The following TULP3 variants were observed in gnomAD, a reference collection of about 807,000 sequenced individuals.
TULP3 encodes the protein tubby-related protein 3.
A neutral mutation model predicts 50.7 loss-of-function variants in TULP3; 38 were observed. The observed-to-expected ratio is 0.75, with a 90% confidence interval of 0.58 to 0.98. The LOEUF (loss-of-function observed/expected upper bound fraction) is 0.98, where lower values mean the gene tolerates loss of function less well. TULP3 is among the 50% of genes least tolerant of loss of function. The pLI, the probability that TULP3 is intolerant of heterozygous loss-of-function variation, is 0.00. For synonymous variants in TULP3, 183 were observed against 196.6 expected (o/e 0.93, Z 0.58); for missense variants, 550 against 568.0 (o/e 0.97, Z 0.32).
intron 10 of TULP3, among the ~76,000 whole-genome samples, chr12:2,938,715 C>T (rs185124221): frequency 2.7e-4 from 41 of 151,178 alleles, no homozygotes; most frequent in Middle Eastern, 6.9e-3. Flanking sequence ...GCCAGGAGGT[C>T]GAGGCTGCAG....
intron 8 of TULP3, among the ~76,000 whole-genome samples, chr12:2,935,710 C>G (rs1391942161): frequency 2.0e-5 from 3 of 152,102 alleles, no homozygotes; most frequent in African/African-American, 7.2e-5. Flanking sequence ...TGGTGGCTCA[C>G]ACCTGTAATC....
chr12:2,915,134 A>G (rs770178133), intron 2 of TULP3, among the ~76,000 whole-genome samples: 13 of 151,952 alleles, frequency 8.6e-5, no homozygotes, highest in Non-Finnish European at 1.3e-4. Flanking sequence ...GACTACAGGC[A>G]GACGCCACCA....
chr12:2,931,418 T>C (rs948928512), intron 6 of TULP3, among the ~76,000 whole-genome samples, 178 bp downstream of exon 6: 5 of 152,238 alleles, frequency 3.3e-5, no homozygotes, highest in African/African-American at 1.2e-4. Flanking sequence ...CATGGTCTAA[T>C]AGGCAGCAAG....
In TULP3 at chr12:2,919,757, GT is replaced by G. The variant is rs973625099; in HGVS notation, c.94-997del. 3.3e-5 allele frequency among the ~76,000 whole-genome samples: 5 copies of G among 149,878 alleles called. No homozygotes were observed. The South Asian group carries it at 6.4e-4, about 19-fold the overall frequency. On this transcript the variant is annotated intron_variant, in intron 2 of 10. Coordinates refer to ENST00000448120, the MANE Select transcript of TULP3 (RefSeq NM_003324.5). ...TAGTACCTTCCTTTCCATTTCATTGGTTTTTTTTTCTCATAGTCTGTCATGC... is the reference window on the plus strand; with the variant it reads ...TAGTACCTTCCTTTCCATTTCATTGGTTTTTTTTCTCATAGTCTGTCATGC...
chr12:2,890,937 C>G lies in TULP3; in HGVS notation c.-11C>G. On this transcript the variant is annotated 5_prime_UTR_variant, in exon 1 of 11. Transcript: ENST00000448120. The stretch of plus-strand genomic sequence containing the variant: ...AGTGTGTACGTGGTGGGGGCTTCCT[C>G]GGTGGCGGGCATGGAGGCTTCGCGC... 1.9e-6 allele frequency: 3 copies of G among 1,593,550 alleles called. No individual in the cohort carries two copies. Among genetic ancestry groups the G allele is most frequent in the Non-Finnish European group, 2.6e-6 (3 of 1,170,240 alleles).
chr12:2,895,093 C>T (rs1027677262), intron 1 of TULP3, among the ~76,000 whole-genome samples: 1 of 152,084 alleles, frequency 6.6e-6, no homozygotes, highest in Non-Finnish European at 1.5e-5. Context: ...CTTAAATAGC[C>T]TTTTTGTTTA....
intron 2 of TULP3, 148 bp downstream of exon 2, chr12:2,909,728 G>A: frequency 1.2e-6 from 1 of 847,320 alleles, no homozygotes; most frequent in Non-Finnish European, 1.9e-6. Flanking sequence ...AGTGTCTGGA[G>A]TTAGTGGTTG....
At chr12:2,921,760 A>C (rs1445061609) in intron 3 of TULP3, among the ~76,000 whole-genome samples, 1 of 152,152 alleles carries the variant, frequency 6.6e-6, no homozygotes, top group East Asian at 1.9e-4. Flanking sequence ...GTACAAGTAC[A>C]TATGACTTTA....
intron 1 of TULP3, among the ~76,000 whole-genome samples, chr12:2,903,810 A>G (rs1220954160): frequency 1.3e-5 from 2 of 151,908 alleles, no homozygotes; most frequent in Non-Finnish European, 2.9e-5. Context: ...GATGAAGCCT[A>G]GCTCTGTTGC....
At chr12:2,931,611 A>C (rs1248877394) in intron 6 of TULP3, among the ~76,000 whole-genome samples, 2 of 152,202 alleles carry the variant, frequency 1.3e-5, no homozygotes, top group African/African-American at 4.8e-5. Flanking sequence ...GTTTTAGGGA[A>C]TAGGAGGAAT....
rs186606070 is a variant in TULP3, at chr12:2,919,067, T to C, written c.94-1696T>C. Among the ~76,000 whole-genome samples, 962 of 152,120 alleles carry C rather than the reference T, an allele frequency of 6.3e-3. 29 individuals are homozygous for C. Among genetic ancestry groups the C allele is most frequent in the Admixed American group, 0.053 (802 of 15,262 alleles). On this transcript the variant is annotated intron_variant, in intron 2 of 10. Coordinates refer to ENST00000448120, the MANE Select transcript of TULP3 (RefSeq NM_003324.5). ...GCCATGACGCAGGCCAATTTTTGTA[T>C]TTTTCATAGAGACGGGGTTTCACCA...
At chr12:2,915,352 C>T (rs1423470818) in intron 2 of TULP3, among the ~76,000 whole-genome samples, 1 of 152,066 alleles carries the variant, frequency 6.6e-6, no homozygotes, top group Non-Finnish European at 1.5e-5. Flanking sequence ...AGGTAGAGTA[C>T]ATTTATTTCG....
In TULP3 at chr12:2,911,664, C is replaced by CTTTTTTTTTTTTTTT. The variant is rs56027951; in HGVS notation, c.93+2113_93+2127dup. ...ACAGGCGTGAGCCACTGCGCCCAGC[C>CTTTTTTTTTTTTTTT]TTTTTTTTTTTTTTTTTTTTTTTTT... On this transcript the variant is annotated intron_variant, in intron 2 of 10. Transcript: ENST00000448120. Among the ~76,000 whole-genome samples the CTTTTTTTTTTTTTTT allele has an allele frequency of 5.0e-4, 19 of 38,172 alleles. 1 individual carries two copies. Among genetic ancestry groups the CTTTTTTTTTTTTTTT allele is most frequent in the East Asian group, 7.7e-4 (1 of 1,306 alleles). 25.0% of individuals were successfully genotyped at this position (38,172 alleles called of 152,430 possible).
chr12:2,939,435 G>C lies in TULP3; in HGVS notation c.1320G>C (p.Ala440=). The C allele has an allele frequency of 1.9e-6, 3 of 1,614,094 alleles. No individual in the cohort carries two copies. The highest frequency in any genetic ancestry group is 1.7e-5 in the Admixed American group (1 of 59,998). Residue 440 remains alanine, a synonymous_variant, in exon 11 of 11, where the codon GCG becomes GCC. Transcript: ENST00000448120. The surrounding 1 kb of genome is among the most constrained non-coding windows in gnomAD (Gnocchi z 4.0). ...TTTCTAGCTTTGACAGTAAGCTGGC[G>C]TGTGAATGAGAGAACAGTCAGGCAG... ...IGLSSFDSKL[A]CE
intron 1 of TULP3, among the ~76,000 whole-genome samples, chr12:2,896,494 T>G (rs1248312435): frequency 6.6e-6 from 1 of 152,230 alleles, no homozygotes; most frequent in Non-Finnish European, 1.5e-5. Context: ...TCAGGTAGAT[T>G]GGGAGTGAGA....
chr12:2,905,644 G>A (rs2098181773), intron 1 of TULP3, among the ~76,000 whole-genome samples: 1 of 152,000 alleles, frequency 6.6e-6, no homozygotes, highest in Non-Finnish European at 1.5e-5. Context: ...TTCTGTTCGG[G>A]TCAAAATGCT....
Position 2,922,313 on chromosome 12 carries a change from C to G in TULP3, c.305C>G (p.Ser102Ter), listed in dbSNP as rs371125928. The G allele has an allele frequency of 2.5e-6, 4 of 1,614,048 alleles. No individual in the cohort carries two copies. In the African/African-American group the frequency reaches 4.0e-5, roughly 16 times the overall value. The change falls in exon 4 of 11, where the codon TCA becomes TGA. Residue 102 changes from serine to a stop codon, truncating the protein, a stop_gained. Coordinates refer to ENST00000448120, the MANE Select transcript of TULP3 (RefSeq NM_003324.5). LOFTEE classifies it high-confidence loss of function. ...AAACCAGACGAAGTTCATGCTCCAT[C>G]AGTAAGCTCCTCTGTTGTGGAAGAA... ...VLKPDEVHAP[S>*]VSSSVVEEDA...
At chr12:2,938,398 G>A (rs1029400924) in intron 10 of TULP3, 113 bp downstream of exon 10, 3 of 1,213,598 alleles carry the variant, frequency 2.5e-6, no homozygotes, top group South Asian at 3.1e-5. Context: ...AATCATGGAG[G>A]AGAGACAGGA....
At chr12:2,911,664 C>CTTTTTTTTTTTTTTTTT (rs56027951) in intron 2 of TULP3, among the ~76,000 whole-genome samples, 12 of 38,172 alleles carry the variant, frequency 3.1e-4, no homozygotes, top group Non-Finnish European at 4.6e-4. Flanking sequence ...TGCGCCCAGC[C>CTTTTTTTTTTTTTTTTT]TTTTTTTTTT....
Sources: allele counts gnomAD v4.1 joint callset (sites outside exome capture counted in the v4.1 genomes callset), GRCh38; gene constraint gnomAD v4.1.1; non-coding constraint Gnocchi (gnomAD v3.1); transcripts MANE v1.5; gene names NCBI Gene and HGNC (gene_info 2026-07-23, HGNC 2026-07-21).